Variants in SPINK5 observed in about 807,000 individuals in gnomAD.
The protein encoded by SPINK5 is serine protease inhibitor Kazal-type 5.
A neutral mutation model predicts 151.8 loss-of-function variants in SPINK5; 125 were observed. That is an observed-to-expected ratio of 0.82 (90% confidence interval 0.71 to 0.96). SPINK5 has a LOEUF of 0.96. Among genes scored for constraint, SPINK5 ranks in the 40% least tolerant of loss-of-function variants. The pLI, the probability that SPINK5 is intolerant of heterozygous loss-of-function variation, is 0.00. For missense variants in SPINK5, 1,194 were observed against 1,291.9 expected (o/e 0.92, Z 1.16); for synonymous variants, 374 against 395.3 (o/e 0.95, Z 0.64).
intron 5 of SPINK5, 102 bp downstream of exon 5, chr5:148,086,634 G>A (rs1753163524): frequency 4.1e-6 from 6 of 1,463,906 alleles, no homozygotes; most frequent in Admixed American, 1.9e-5. Context: ...TTCATTATGT[G>A]GGAGTTAGCC....
chr5:148,114,109 A>T (rs1175105616), intron 20 of SPINK5, among the ~76,000 whole-genome samples: 4 of 152,158 alleles, frequency 2.6e-5, no homozygotes, highest in Non-Finnish European at 1.5e-5. Flanking sequence ...GTCATCAGAG[A>T]ACTAAGTTTA....
chr5:148,136,639 G>T (rs1754700910), intron 32 of SPINK5, among the ~76,000 whole-genome samples: 4 of 152,148 alleles, frequency 2.6e-5, no homozygotes, highest in Admixed American at 2.6e-4. Flanking sequence ...GACGTAACAT[G>T]ACAGTGGCAA....
intron 15 of SPINK5, among the ~76,000 whole-genome samples, chr5:148,102,945 G>A (rs929535184): frequency 7.9e-5 from 12 of 151,870 alleles, no homozygotes; most frequent in East Asian, 1.9e-4. Flanking sequence ...TGGTATGGCC[G>A]GCCCTTCAAA....
chr5:148,119,197 A>T, intron 24 of SPINK5, 139 bp downstream of exon 24: 2 of 781,142 alleles, frequency 2.6e-6, no homozygotes, highest in East Asian at 2.7e-5. Flanking sequence ...GTTATCAGTG[A>T]CTCTCACTGA....
rs140900423 is a variant in SPINK5, at chr5:148,112,371, A to G, written c.1820+476A>G. On this transcript the variant is annotated intron_variant, in intron 19 of 32. Transcript: ENST00000256084. ...CTATGGCATGTGCGTCTTATTCTTT[A>G]AACAACCTTAAGAACAAGAACGGCT... 1.6e-3 allele frequency among the ~76,000 whole-genome samples: 245 copies of G among 152,312 alleles called. 1 individual carries two copies. The highest frequency in any genetic ancestry group is 0.014 in the Middle Eastern group (4 of 294).
At chr5:148,135,480 T>C (rs1754674949) in intron 32 of SPINK5, among the ~76,000 whole-genome samples, 1 of 152,168 alleles carries the variant, frequency 6.6e-6, no homozygotes, top group South Asian at 2.1e-4. Flanking sequence ...TCACACAGGG[T>C]GTTGTAAAAG....
Position 148,112,678 on chromosome 5 carries a change from A to AAAAAACC in SPINK5, c.1821-188_1821-187insAAACCAA, listed in dbSNP as rs113307434. Among the ~76,000 whole-genome samples the AAAAAACC allele has an allele frequency of 1.3e-4, 19 of 151,578 alleles. 1 individual carries two copies. Among genetic ancestry groups the AAAAAACC allele is most frequent in the Middle Eastern group, 3.4e-3 (1 of 290 alleles). On this transcript the variant is annotated intron_variant, in intron 19 of 32. Coordinates refer to ENST00000256084, the MANE Select transcript of SPINK5 (RefSeq NM_006846.4). ...CAGAGTGAGACTCCATCTCAAAAAA[A>AAAAAACC]AACCAAAAAACAAACAAACAAAAGG...
chr5:148,088,659 T>C, intron 6 of SPINK5, 54 bp downstream of exon 6: 2 of 1,556,274 alleles, frequency 1.3e-6, no homozygotes, highest in East Asian at 2.3e-5. Context: ...CTTCAAATAG[T>C]AAGTAGGTGC....
chr5:148,073,869 T>TAA lies in SPINK5; in HGVS notation c.282+1662_282+1663dup, dbSNP rs1210756612. Reference sequence around the variant, plus strand: ...ACACACACACACACACACAAAACTGTAAAAAAAAAAAAAACCCTCTAGATA... The same window carrying TAA: ...ACACACACACACACACACAAAACTGTAAAAAAAAAAAAAAAACCCTCTAGATA... On this transcript the variant is annotated intron_variant, in intron 4 of 32. Coordinates refer to ENST00000256084, the MANE Select transcript of SPINK5 (RefSeq NM_006846.4). Among the ~76,000 whole-genome samples, 631 of 100,870 alleles carry TAA rather than the reference T, an allele frequency of 6.3e-3. 9 individuals carry two copies. Among genetic ancestry groups the TAA allele is most frequent in the Non-Finnish European group, 5.8e-3 (268 of 46,172 alleles). The allele number at this position is 100,870 out of a possible 152,430, so 66.2% of individuals were successfully genotyped here.
rs1753747650 is a variant in SPINK5 at position 148,105,098 on chromosome 5, T to A, written c.1479+98T>A. On this transcript the variant is annotated intron_variant, in intron 16 of 32. Transcript: ENST00000256084. ...TAGAATAAATGTTTTCTGTTTAATT[T>A]TCATGCCTGAAATAAATGAAGAACA... The A allele has an allele frequency of 6.0e-6, 8 of 1,339,070 alleles. No individual in the cohort carries two copies. The East Asian group carries it at 2.0e-4, about 33-fold the overall frequency. 82.9% of individuals were successfully genotyped at this position (1,339,070 alleles called of 1,614,324 possible).
chr5:148,132,063 T>C (rs935246317), intron 31 of SPINK5, among the ~76,000 whole-genome samples: 2 of 152,230 alleles, frequency 1.3e-5, no homozygotes, highest in Admixed American at 1.3e-4. Context: ...GAAAATATTT[T>C]TATCTTAAGT....
chr5:148,106,081 A>G (rs1243056701), intron 16 of SPINK5, among the ~76,000 whole-genome samples: 1 of 151,964 alleles, frequency 6.6e-6, no homozygotes, highest in Non-Finnish European at 1.5e-5. Flanking sequence ...ATCATTTAGA[A>G]TTGAAAATGT....
intron 2 of SPINK5, among the ~76,000 whole-genome samples, chr5:148,066,319 T>A (rs1220446295): frequency 6.6e-6 from 1 of 152,154 alleles, no homozygotes; most frequent in Non-Finnish European, 1.5e-5. Flanking sequence ...ATTTTATATA[T>A]TTATATACAC....
In SPINK5 at chr5:148,072,231, T is replaced by A. The variant is rs534369045; in HGVS notation, c.282+11T>A. 77 of 1,611,408 alleles carry A rather than the reference T, an allele frequency of 4.8e-5. No homozygotes were observed. The highest frequency in any genetic ancestry group is 2.0e-4 in the Admixed American group (12 of 59,788). On this transcript the variant is annotated intron_variant, in intron 4 of 32. Transcript: ENST00000256084. ...ACTGCCCCAACAGAGGTGAGACTAT[T>A]TGGAGCCAACCTGTTTACTTTTGAG...
intron 32 of SPINK5, 60 bp downstream of exon 32, chr5:148,133,947 T>G (rs1754638394): frequency 3.2e-6 from 5 of 1,561,396 alleles, no homozygotes; most frequent in Non-Finnish European, 4.4e-6. Context: ...GGGTTCTGGT[T>G]TTGTTCTCTT....
chr5:148,109,669 T>C (rs1361929633), intron 18 of SPINK5, among the ~76,000 whole-genome samples: 1 of 152,134 alleles, frequency 6.6e-6, no homozygotes, highest in African/African-American at 2.4e-5. Flanking sequence ...TCCTGCAGAC[T>C]ATGCCTTAGG....
chr5:148,130,123 C>T (rs12187820), intron 30 of SPINK5, among the ~76,000 whole-genome samples: 85,175 of 151,680 alleles, frequency 0.56, 24,629 homozygotes, highest in Admixed American at 0.65. Flanking sequence ...CATTGGCTAG[C>T]TCCTTCAGAT....
Position 148,123,414 on chromosome 5 carries a change from T to TATATAGATAGATATTATCTATCTATCTA in SPINK5, c.2539-419_2539-418insATATAGATAGATATTATCTATCTATCTA, listed in dbSNP as rs751370176. Among the ~76,000 whole-genome samples the TATATAGATAGATATTATCTATCTATCTA allele has an allele frequency of 7.4e-5, 10 of 134,942 alleles. No individual in the cohort carries two copies. The South Asian group carries it at 1.6e-3, about 22-fold the overall frequency. 88.5% of individuals were successfully genotyped at this position (134,942 alleles called of 152,430 possible). ...TATATATATAGATAGATATAATATA[T>TATATAGATAGATATTATCTATCTATCTA]TATATATATAGATATATATTATCTA... On this transcript the variant is annotated intron_variant, in intron 26 of 32. Coordinates refer to ENST00000256084, the MANE Select transcript of SPINK5 (RefSeq NM_006846.4).
chr5:148,132,939 C>A (rs944102689), intron 31 of SPINK5, among the ~76,000 whole-genome samples: 20 of 152,178 alleles, frequency 1.3e-4, no homozygotes, highest in Non-Finnish European at 2.9e-5. Flanking sequence ...ACTATATATA[C>A]CTTATCTCCA....
Sources: gnomAD v4.1 joint callset for allele counts (sites outside exome capture counted in the v4.1 genomes callset) on GRCh38, gnomAD v4.1.1 for gene constraint, MANE v1.5 for transcripts, NCBI Gene and HGNC (gene_info 2026-07-23, HGNC 2026-07-21) for gene names.